Variants in CEP120 observed in about 807,000 individuals in gnomAD.
CEP120 encodes the protein centrosomal protein of 120 kDa.
In CEP120, 113 loss-of-function variants were observed where a neutral mutation model predicts 126.5. The observed-to-expected ratio is 0.89, with a 90% CI of 0.77 to 1.04. CEP120 has a LOEUF of 1.04. Ranked by LOEUF, CEP120 falls within the 50% of genes least tolerant of loss-of-function variation. CEP120 has a pLI of 0.00. For synonymous variants in CEP120, 400 were observed against 394.3 expected, an observed-to-expected ratio of 1.01 and a Z score of -0.17; for missense variants, 1,230 against 1,155.7, an observed-to-expected ratio of 1.06 and a Z score of -0.93.
rs537358938 is a variant in CEP120 at position 123,389,652 on chromosome 5, C to T, written c.1255+272G>A. Reference sequence around the variant, plus strand: ...AGTAGCTGGGATTACAGGCATGCACCACCACGCCTGGCTAATTTTGTATTT... The same window carrying T: ...AGTAGCTGGGATTACAGGCATGCACTACCACGCCTGGCTAATTTTGTATTT... On this transcript the variant is annotated intron_variant, in intron 8 of 19. Transcript: ENST00000306467. Among the ~76,000 whole-genome samples the T allele has an allele frequency of 2.9e-3, 436 of 152,210 alleles. 5 individuals carry two copies. Among genetic ancestry groups the T allele is most frequent in the African/African-American group, 0.01 (423 of 41,530 alleles).
intron 5 of CEP120, among the ~76,000 whole-genome samples, chr5:123,394,050 T>C (rs1199033873): frequency 2.0e-5 from 3 of 152,200 alleles, no homozygotes; most frequent in African/African-American, 7.2e-5. Flanking sequence ...GAGTTGCTAG[T>C]TTCATGGCTA....
At chr5:123,409,700 G>T (rs374255887) in intron 4 of CEP120, among the ~76,000 whole-genome samples, 2 of 152,162 alleles carry the variant, frequency 1.3e-5, no homozygotes, top group South Asian at 4.1e-4. Flanking sequence ...GCTCATGCCT[G>T]TAAGCCCAGC....
At chr5:123,382,325 T>TAA (rs200376887) in intron 13 of CEP120, 125 bp from the exon 14 acceptor site, 1,094 of 219,454 alleles carry the variant, frequency 5.0e-3, no homozygotes, top group Middle Eastern at 8.5e-3. Context: ...TTTTTTATTC[T>TAA]AAAAAAAAAA....
chr5:123,408,828 CA>C (rs1297971863), intron 4 of CEP120, among the ~76,000 whole-genome samples: 2 of 152,078 alleles, frequency 1.3e-5, no homozygotes, highest in Non-Finnish European at 2.9e-5. Flanking sequence ...AGAAAACAAA[CA>C]AAAAATACAG....
At chr5:123,371,739 T>TA in intron 17 of CEP120, among the ~76,000 whole-genome samples, 1 of 152,118 alleles carries the variant, frequency 6.6e-6, no homozygotes, top group Admixed American at 6.6e-5. Flanking sequence ...CTTCCCAACA[T>TA]AGATCCAACT....
intron 4 of CEP120, among the ~76,000 whole-genome samples, chr5:123,409,854 G>A (rs1277469929): frequency 1.3e-5 from 2 of 151,892 alleles, no homozygotes; most frequent in South Asian, 2.1e-4. Context: ...CTACTCAGGA[G>A]GCTGAGGCAG....
intron 14 of CEP120, among the ~76,000 whole-genome samples, chr5:123,379,634 G>A (rs1039338790): frequency 6.6e-6 from 1 of 151,942 alleles, no homozygotes; most frequent in Non-Finnish European, 1.5e-5. Context: ...GGAAGGCCTG[G>A]CTAAGAAAAG....
At chr5:123,378,901 G>A (rs1041432538) in intron 14 of CEP120, among the ~76,000 whole-genome samples, 3 of 151,900 alleles carry the variant, frequency 2.0e-5, no homozygotes, top group South Asian at 4.2e-4. Flanking sequence ...AGTATACAGA[G>A]AGAAGAAAGG....
At chr5:123,358,870 C>A (rs529564452) in intron 18 of CEP120, among the ~76,000 whole-genome samples, 2 of 152,056 alleles carry the variant, frequency 1.3e-5, no homozygotes, top group Admixed American at 1.3e-4. Flanking sequence ...TAAAAAGTGG[C>A]CACTACTTAC....
chr5:123,415,970 G>T, intron 3 of CEP120, 40 bp downstream of exon 3: 1 of 1,290,962 alleles, frequency 7.7e-7, no homozygotes, highest in Non-Finnish European at 1.1e-6. Flanking sequence ...ATAATCGACT[G>T]TCTAACATAA....
At chr5:123,369,091 C>T (rs548820380) in intron 17 of CEP120, among the ~76,000 whole-genome samples, 25 of 151,612 alleles carry the variant, frequency 1.6e-4, no homozygotes, top group Admixed American at 8.6e-4. Context: ...GGTCATAAGC[C>T]GAAGAGACAG....
chr5:123,423,719 C>G (rs4240369), upstream of CEP120: 114,934 of 152,164 alleles, frequency 0.76, 43,818 homozygotes, highest in East Asian at 1. Flanking sequence ...GCTTAGTTGA[C>G]GTACCCAGTG....
rs142768352 is a variant in CEP120, at chr5:123,390,372, G to C, written c.1039-232C>G. 95 of 586,784 alleles carry C rather than the reference G, an allele frequency of 1.6e-4. No homozygotes were observed. The East Asian group carries it at 2.4e-3, about 15-fold the overall frequency. The allele number at this position is 586,784 out of a possible 1,614,324, so 36.3% of individuals were successfully genotyped here. On this transcript the variant is annotated intron_variant, in intron 7 of 19. Coordinates refer to ENST00000306467, the MANE Select transcript of CEP120 (RefSeq NM_001375405.1). ...CTGAATACCAAAATGCATCCTAATGGGTAAGAAGGGATATTTGAGAAAAGA... is the reference window on the plus strand; with the variant it reads ...CTGAATACCAAAATGCATCCTAATGCGTAAGAAGGGATATTTGAGAAAAGA...
chr5:123,359,636 A>C (rs376859270), intron 18 of CEP120, among the ~76,000 whole-genome samples: 7 of 151,958 alleles, frequency 4.6e-5, no homozygotes, highest in African/African-American at 1.4e-4. Context: ...TATCAAACTT[A>C]AGGGTATCAC....
intron 10 of CEP120, among the ~76,000 whole-genome samples, chr5:123,385,442 C>T (rs2127057182): frequency 1.3e-5 from 2 of 152,274 alleles, no homozygotes; most frequent in South Asian, 4.1e-4. Flanking sequence ...AGTACAGTCA[C>T]ATGCTGTGCA....
intron 9 of CEP120, among the ~76,000 whole-genome samples, chr5:123,387,111 C>T (rs892526602): frequency 2.0e-5 from 3 of 152,110 alleles, no homozygotes; most frequent in African/African-American, 7.2e-5. Context: ...AACACTGTTT[C>T]TCCCTTTCAT....
In CEP120 at chr5:123,382,807, G is replaced by A. The variant is rs766586795; in HGVS notation, c.1943C>T (p.Thr648Met). The A allele has an allele frequency of 1.5e-5, 24 of 1,613,174 alleles. No homozygotes were observed. In the African/African-American group the frequency reaches 1.6e-4, roughly 11 times the overall value. The change falls in exon 13 of 20, where the codon ACG (threonine) becomes ATG (methionine). Residue 648 changes from threonine to methionine, a missense_variant. Physicochemically the swap from Thr to Met is moderately conservative, Grantham distance 81 (BLOSUM62 -1). Transcript: ENST00000306467. ...CTCAAGTGCTGCTTTGTATTCTAAC[G>A]TTTCACGAGGCTCTGTCTGGATCTC... ...PSEIQTEPRE[T>M]LEYKAALELE...
intron 4 of CEP120, 70 bp from the exon 5 acceptor site, chr5:123,399,354 G>C (rs1773021013): frequency 1.4e-6 from 2 of 1,421,466 alleles, no homozygotes; most frequent in Non-Finnish European, 1.9e-6. Flanking sequence ...TTTTAAAACT[G>C]ATTATATTTT....
chr5:123,402,600 A>G (rs1303408194), intron 4 of CEP120, among the ~76,000 whole-genome samples: 1 of 152,042 alleles, frequency 6.6e-6, no homozygotes, highest in East Asian at 1.9e-4. Context: ...TTTAGTAGAG[A>G]AGGGGTTTCA....
Sources: allele counts gnomAD v4.1 joint callset (sites outside exome capture counted in the v4.1 genomes callset), GRCh38; gene constraint gnomAD v4.1.1; transcripts MANE v1.5; gene names NCBI Gene and HGNC (gene_info 2026-07-23, HGNC 2026-07-21).